The following GOLM1 variants were observed in gnomAD, a reference collection of about 807,000 sequenced individuals.
The protein encoded by GOLM1 is epididymis luminal protein 46.
In GOLM1, 31 loss-of-function variants were observed where a neutral mutation model predicts 50.5. The observed-to-expected ratio is 0.61, with a 90% CI of 0.46 to 0.83. The LOEUF is 0.83. Ranked by LOEUF, GOLM1 falls within the 40% of genes least tolerant of loss-of-function variation. The pLI, the probability that GOLM1 is intolerant of heterozygous loss-of-function variation, is 0.00. For synonymous variants in GOLM1, 178 were observed against 192.8 expected (o/e 0.92, Z 0.64); for missense variants, 491 against 501.3 (o/e 0.98, Z 0.20).
intron 3 of GOLM1, among the ~76,000 whole-genome samples, chr9:86,068,001 C>T (rs902277621): frequency 4.0e-5 from 6 of 151,290 alleles, no homozygotes; most frequent in East Asian, 3.9e-4. Flanking sequence ...AGTGAGACTC[C>T]GTCTCAAAAA....
In GOLM1 at chr9:86,038,949, G is replaced by A. The variant is rs1833240945; in HGVS notation, c.597+1790C>T. Among the ~76,000 whole-genome samples the A allele has an allele frequency of 2.6e-5, 4 of 151,748 alleles. No individual in the cohort carries two copies. The South Asian group carries it at 8.3e-4, about 32-fold the overall frequency. ...ACAAAAGAAAAAATAAATAAAATGG[G>A]GATTTTGTCAAAATTAAGAACTTCT... On this transcript the variant is annotated intron_variant, in intron 6 of 9. Coordinates refer to ENST00000388712, the MANE Select transcript of GOLM1 (RefSeq NM_016548.4).
At chr9:86,032,104 C>T (rs1833005800) in intron 9 of GOLM1, among the ~76,000 whole-genome samples, 1 of 152,008 alleles carries the variant, frequency 6.6e-6, no homozygotes, top group Non-Finnish European at 1.5e-5. Context: ...TCACTCAACT[C>T]CCCCATGACT....
intron 1 of GOLM1, among the ~76,000 whole-genome samples, chr9:86,083,543 C>A (rs149632569): frequency 3.7e-4 from 57 of 152,300 alleles, no homozygotes; most frequent in South Asian, 6.2e-4. Context: ...CACCACCACA[C>A]CCAGCTAGTT....
intron 4 of GOLM1, among the ~76,000 whole-genome samples, chr9:86,047,996 A>G (rs571923914): frequency 6.6e-6 from 1 of 151,704 alleles, no homozygotes; most frequent in Non-Finnish European, 1.5e-5. Flanking sequence ...GTCATTTACA[A>G]TAGGTAATTT....
upstream of GOLM1, among the ~76,000 whole-genome samples, chr9:86,099,862 G>T (rs1477140455): frequency 6.6e-6 from 1 of 152,054 alleles, no homozygotes; most frequent in Non-Finnish European, 1.5e-5. Context: ...AAGGGTACCT[G>T]GGGGGAGCCC....
At chr9:86,054,267 C>CT (rs1377924416) in intron 3 of GOLM1, among the ~76,000 whole-genome samples, 7,133 of 140,146 alleles carry the variant, frequency 0.051, 239 homozygotes, top group African/African-American at 0.095. Context: ...CACTCATTGA[C>CT]TTTTTTTTTT....
At chr9:86,057,652 T>G (rs35351427) in intron 3 of GOLM1, among the ~76,000 whole-genome samples, 45,070 of 152,054 alleles carry the variant, frequency 0.3, 8,675 homozygotes, top group East Asian at 0.58. Context: ...ACACCCGTGT[T>G]CAGGGCTCCC....
chr9:86,046,445 G>A (rs1454335086), intron 5 of GOLM1, 25 bp downstream of exon 5: 3 of 1,382,972 alleles, frequency 2.2e-6, no homozygotes, highest in Non-Finnish European at 3.1e-6. Flanking sequence ...CCTGCACTGT[G>A]GCACGCGCTC....
At chr9:86,096,795 C>CA (rs1266458686) in intron 1 of GOLM1, among the ~76,000 whole-genome samples, 3 of 152,106 alleles carry the variant, frequency 2.0e-5, no homozygotes, top group Non-Finnish European at 4.4e-5. Flanking sequence ...ACCATAACAG[C>CA]AAATACATGT....
intron 7 of GOLM1, among the ~76,000 whole-genome samples, chr9:86,035,898 A>AAAAAC (rs1833126523): frequency 6.7e-6 from 1 of 148,408 alleles, no homozygotes; most frequent in African/African-American, 2.5e-5. Flanking sequence ...AAAAAAAAAC[A>AAAAAC]CCTGGACTAA....
At chr9:86,055,722 T>C (rs560698663) in intron 3 of GOLM1, among the ~76,000 whole-genome samples, 2 of 152,330 alleles carry the variant, frequency 1.3e-5, no homozygotes, top group East Asian at 3.9e-4. Context: ...ATTCCATTCA[T>C]ATGAAGTACC....
At chr9:86,056,776 T>A (rs1279035079) in intron 3 of GOLM1, among the ~76,000 whole-genome samples, 1 of 152,034 alleles carries the variant, frequency 6.6e-6, no homozygotes, top group Non-Finnish European at 1.5e-5. Flanking sequence ...AGTGCTGGGA[T>A]TACAGGCATG....
intron 7 of GOLM1, among the ~76,000 whole-genome samples, chr9:86,036,009 A>C (rs2118646817): frequency 6.6e-6 from 1 of 151,860 alleles, no homozygotes; most frequent in African/African-American, 2.4e-5. Flanking sequence ...AGGCAGGCCC[A>C]CCCAGGGCTT....
At chr9:86,091,529 A>G (rs1835185781) in intron 1 of GOLM1, among the ~76,000 whole-genome samples, 1 of 152,072 alleles carries the variant, frequency 6.6e-6, no homozygotes, top group African/African-American at 2.4e-5. Flanking sequence ...TACTGCTTTG[A>G]ACAACTATCT....
At chr9:86,099,612 A>C (rs1453311408), upstream of GOLM1, 1 of 147,740 alleles carries the variant, frequency 6.8e-6, no homozygotes, top group Non-Finnish European at 1.5e-5. Flanking sequence ...GCGCGAAGGG[A>C]GGAGGCGGCG....
At chr9:86,086,521 T>C (rs1834968010) in intron 1 of GOLM1, among the ~76,000 whole-genome samples, 1 of 152,186 alleles carries the variant, frequency 6.6e-6, no homozygotes, top group East Asian at 1.9e-4. Context: ...GGTGTTTTAG[T>C]CATGAAGTCT....
At chr9:86,049,222 T>C (rs1230447891) in intron 4 of GOLM1, among the ~76,000 whole-genome samples, 1 of 152,216 alleles carries the variant, frequency 6.6e-6, no homozygotes, top group African/African-American at 2.4e-5. Context: ...TCTGTTCCAA[T>C]GGTCTATATC....
Position 86,077,594 on chromosome 9 carries a change from A to C in GOLM1, c.130-3T>G. 1 of 1,611,410 alleles carries C rather than the reference A, an allele frequency of 6.2e-7. No individual in the cohort carries two copies. Among genetic ancestry groups the C allele is most frequent in the Non-Finnish European group, 8.5e-7 (1 of 1,178,010 alleles). ...CCTTCCAGCTCCATGATCCGTGTCT[A>C]CAAGGAGACCGTGGCATTAGGGCTG... On this transcript the variant is annotated splice_polypyrimidine_tract_variant and splice_region_variant and intron_variant, in intron 2 of 9. Coordinates refer to ENST00000388712, the MANE Select transcript of GOLM1 (RefSeq NM_016548.4).
intron 3 of GOLM1, among the ~76,000 whole-genome samples, chr9:86,058,695 C>CA (rs57227258): frequency 0.068 from 6,871 of 100,918 alleles, 451 homozygotes; most frequent in East Asian, 0.35. Context: ...GACTCTGTCT[C>CA]AAAAAAAAAA....
Sources: gnomAD v4.1 joint callset for allele counts (sites outside exome capture counted in the v4.1 genomes callset) on GRCh38, gnomAD v4.1.1 for gene constraint, MANE v1.5 for transcripts, NCBI Gene and HGNC (gene_info 2026-07-23, HGNC 2026-07-21) for gene names.